RAD50: variants seen among roughly 807,000 people sequenced by gnomAD.
RAD50 encodes RAD50 double strand break repair protein.
A neutral mutation model predicts 168.8 loss-of-function variants in RAD50; 132 were observed. The ratio of observed to expected loss-of-function variants is 0.78; its 90% confidence interval spans 0.68 to 0.90. The LOEUF (loss-of-function observed/expected upper bound fraction) is 0.90. Among genes scored for constraint, RAD50 ranks in the 40% least tolerant of loss-of-function variants. RAD50 has a pLI of 0.00. For synonymous variants in RAD50, 525 were observed against 497.4 expected, an observed-to-expected ratio of 1.06 and a Z score of -0.74; for missense variants, 1,347 against 1,534.4, an observed-to-expected ratio of 0.88 and a Z score of 2.04.
intron 8 of RAD50, among the ~76,000 whole-genome samples, chr5:132,589,297 T>C (rs968995942): frequency 2.0e-5 from 3 of 152,220 alleles, no homozygotes; most frequent in African/African-American, 7.2e-5. Context: ...TGTTTAGATA[T>C]GTTTAGATAC....
intron 24 of RAD50, 71 bp downstream of exon 24, chr5:132,640,876 C>G (rs1751706636): frequency 1.9e-6 from 3 of 1,603,474 alleles, no homozygotes; most frequent in African/African-American, 2.7e-5. Flanking sequence ...GATAGTTCTT[C>G]AAAACCAAGA....
intron 15 of RAD50, 23 bp downstream of exon 15, chr5:132,604,069 G>A: frequency 1.9e-6 from 3 of 1,612,222 alleles, no homozygotes; most frequent in Non-Finnish European, 2.5e-6. Context: ...GTGTCCTTCT[G>A]TACTCATAGA....
chr5:132,581,156 A>G (rs1288764875), intron 5 of RAD50, among the ~76,000 whole-genome samples: 1 of 152,050 alleles, frequency 6.6e-6, no homozygotes, highest in African/African-American at 2.4e-5. Context: ...GCTGGAGTGC[A>G]GTGGCACGAT....
intron 19 of RAD50, among the ~76,000 whole-genome samples, chr5:132,615,062 C>A (rs568208702): frequency 6.6e-6 from 1 of 152,170 alleles, no homozygotes; most frequent in Admixed American, 6.5e-5. Context: ...TTTGAGAAAT[C>A]CTTACTCCAA....
At chr5:132,614,010 A>G (rs1392603231) in intron 19 of RAD50, among the ~76,000 whole-genome samples, 1 of 152,166 alleles carries the variant, frequency 6.6e-6, no homozygotes, top group Admixed American at 6.5e-5. Flanking sequence ...AAGTAATAAC[A>G]CTGTGATTTG....
chr5:132,572,713 T>A (rs1364758777), intron 2 of RAD50, among the ~76,000 whole-genome samples: 1 of 152,194 alleles, frequency 6.6e-6, no homozygotes, highest in Non-Finnish European at 1.5e-5. Context: ...ATTTTGTAGA[T>A]CAGCTTCGGG....
At position 132,618,213 on chromosome 5, in the gene RAD50, A is replaced by G; in HGVS notation, c.3308A>G (p.Lys1103Arg). ...REPQFRDAEE[K>R]YREMMIVMRT... is the part of the protein sequence containing the mutation. ...CCACAATTTCGGGATGCTGAGGAAA[A>G]GTATAGAGAAATGATGATTGTTATG... Residue 1103 changes from lysine to arginine, a missense_variant, in exon 21 of 25, where the codon AAG (lysine) becomes AGG (arginine). Lys to Arg is a conservative substitution (Grantham distance 26). This residue lies in a region of RAD50 where 635 missense variants were observed against 739.2 expected (regional missense o/e 0.86). Coordinates refer to ENST00000378823, the MANE Select transcript of RAD50 (RefSeq NM_005732.4). The G allele has an allele frequency of 6.2e-7, 1 of 1,614,054 alleles. No individual in the cohort carries two copies. Among genetic ancestry groups the G allele is most frequent in the Non-Finnish European group, 8.5e-7 (1 of 1,179,966 alleles).
intron 2 of RAD50, among the ~76,000 whole-genome samples, chr5:132,561,657 C>T (rs2706340): frequency 0.07 from 10,638 of 152,198 alleles, 1,173 homozygotes; most frequent in African/African-American, 0.24. Context: ...CTTTCCTTAA[C>T]TCTAGACATA....
intron 4 of RAD50, 30 bp downstream of exon 4, chr5:132,579,532 C>A: frequency 6.3e-7 from 1 of 1,584,708 alleles, no homozygotes; most frequent in South Asian, 1.1e-5. Context: ...ACTTTGTAGT[C>A]CATTAAGTTA....
In RAD50 at chr5:132,603,375, A is replaced by C; in HGVS notation, c.2283A>C (p.Ile761=). The C allele has an allele frequency of 3.1e-6, 5 of 1,613,814 alleles. No homozygotes were observed. Among genetic ancestry groups the C allele is most frequent in the Non-Finnish European group, 4.2e-6 (5 of 1,179,754 alleles). The change falls in exon 14 of 25, where the codon ATA becomes ATC. Residue 761 remains isoleucine, a synonymous_variant. Coordinates refer to ENST00000378823, the MANE Select transcript of RAD50 (RefSeq NM_005732.4). ...RNKLQNVNRD[I]QRLKNDIEEQ... ...AACTGCAGAATGTCAATAGAGACAT[A>C]CAGCGCCTAAAGAACGACATAGAAG...
chr5:132,575,772 C>G lies in RAD50; in HGVS notation c.214-5C>G, dbSNP rs534966725. ...CATAAGTTTTTTCTGTGTTTTCCTT[C>G]AAAGGTTGCTCAAGAAACAGATGTG... On this transcript the variant is annotated splice_polypyrimidine_tract_variant and splice_region_variant and intron_variant, in intron 2 of 24. Transcript: ENST00000378823. 1 of 1,587,842 alleles carries G rather than the reference C, an allele frequency of 6.3e-7. No individual in the cohort carries two copies. Among genetic ancestry groups the G allele is most frequent in the African/African-American group, 1.3e-5 (1 of 74,420 alleles).
chr5:132,559,214 G>T, intron 1 of RAD50, 70 bp from the exon 2 acceptor site: 3 of 1,370,182 alleles, frequency 2.2e-6, no homozygotes, highest in African/African-American at 1.5e-5. Context: ...TTTTTGTAAT[G>T]AATTCATATT....
intron 17 of RAD50, 100 bp downstream of exon 17, chr5:132,608,825 A>G: frequency 2.1e-6 from 3 of 1,456,678 alleles, no homozygotes; most frequent in Non-Finnish European, 2.7e-6. Context: ...TAAATAGCAT[A>G]AGATAAATAG....
At chr5:132,586,280 A>G (rs1750593314) in intron 5 of RAD50, among the ~76,000 whole-genome samples, 1 of 152,134 alleles carries the variant, frequency 6.6e-6, no homozygotes, top group African/African-American at 2.4e-5. Flanking sequence ...TTGTCTCCCA[A>G]TCTTAACTAT....
intron 13 of RAD50, among the ~76,000 whole-genome samples, chr5:132,599,393 C>T (rs1265263753): frequency 1.3e-5 from 2 of 152,138 alleles, no homozygotes; most frequent in East Asian, 1.9e-4. Flanking sequence ...GTTTAGCAAG[C>T]TCTAACAGAA....
chr5:132,577,549 C>G (rs1475393883), intron 3 of RAD50, among the ~76,000 whole-genome samples: 2 of 152,154 alleles, frequency 1.3e-5, no homozygotes, highest in Non-Finnish European at 2.9e-5. Flanking sequence ...CTCCATGATA[C>G]AATACTGTTC....
intron 2 of RAD50, among the ~76,000 whole-genome samples, chr5:132,567,423 G>A (rs1464004061): frequency 6.6e-6 from 1 of 152,186 alleles, no homozygotes; most frequent in Non-Finnish European, 1.5e-5. Flanking sequence ...TTTGGCACAT[G>A]GAATTGGAAT....
In RAD50 at chr5:132,595,562, T is replaced by C. The variant is rs1371949411; in HGVS notation, c.1970-11T>C. 7 of 1,566,998 alleles carry C rather than the reference T, an allele frequency of 4.5e-6. No individual in the cohort carries two copies. The highest frequency in any genetic ancestry group is 6.2e-6 in the Non-Finnish European group (7 of 1,137,554). On this transcript the variant is annotated splice_polypyrimidine_tract_variant and intron_variant, in intron 12 of 24. Coordinates refer to ENST00000378823, the MANE Select transcript of RAD50 (RefSeq NM_005732.4). ...TTCTCATTGGTGATATAATTTATTT[T>C]CTTAAAATAGCCATGCTGGCTGGAG...
At position 132,642,936 on chromosome 5, in the gene RAD50, T is replaced by C; in HGVS notation, c.*572T>C. ...AAGTAGTTGAATGGGGTCTCAAAGT[T>C]TGACAGGAACCTTAAGTAATCATCT... On this transcript the variant is annotated 3_prime_UTR_variant, in exon 25 of 25. Coordinates refer to ENST00000378823, the MANE Select transcript of RAD50 (RefSeq NM_005732.4). 1 of 470,646 alleles carries C rather than the reference T, an allele frequency of 2.1e-6. No homozygotes were observed. The highest frequency in any genetic ancestry group is 4.4e-6 in the Non-Finnish European group (1 of 226,076). The allele number at this position is 470,646 out of a possible 1,614,324, so 29.2% of individuals were successfully genotyped here. A position where few individuals can be genotyped will look rare whatever the true frequency, so the allele number is the denominator to read the frequency against.
Sources: gnomAD v4.1 joint callset for allele counts (sites outside exome capture counted in the v4.1 genomes callset) on GRCh38, gnomAD v4.1.1 for gene constraint, gnomAD v4.1.1 regional missense constraint, MANE v1.5 for transcripts, NCBI Gene and HGNC (gene_info 2026-07-23, HGNC 2026-07-21) for gene names.